The following UNC79 variants were observed in gnomAD, a reference collection of about 807,000 sequenced individuals.
UNC79 encodes the protein unc-79 subunit of NALCN channel complex, also known as protein unc-79 homolog.
A neutral mutation model predicts 283.1 loss-of-function variants in UNC79; 37 were observed. The ratio of observed to expected loss-of-function variants is 0.13; its 90% CI spans 0.10 to 0.17. The LOEUF is 0.17. UNC79 is among the 10% of genes least tolerant of loss of function. The pLI is 1.00. For synonymous variants in UNC79, 1,107 were observed against 1,200.2 expected, an observed-to-expected ratio of 0.92 and a Z score of 1.61; for missense variants, 2,272 against 3,211.1, an observed-to-expected ratio of 0.71 and a Z score of 7.07.
intron 35 of UNC79, among the ~76,000 whole-genome samples, chr14:93,652,368 A>C (rs1269873063): frequency 6.6e-6 from 1 of 151,890 alleles, no homozygotes; most frequent in African/African-American, 2.4e-5. Flanking sequence ...TGATCCTCCC[A>C]CCTCAGCCTC....
chr14:93,587,030 G>A, intron 22 of UNC79, 122 bp downstream of exon 22: 2 of 1,166,502 alleles, frequency 1.7e-6, no homozygotes, highest in South Asian at 1.9e-5. Context: ...CAGCTCGATT[G>A]CCTATGATAA....
chr14:93,474,017 A>G lies in UNC79; in HGVS notation c.144-72A>G. Reference sequence around the variant, plus strand: ...TCTGGTGTTTTATTATTTGTTTTAGAGTGTCATTTCAATGTAATGTGCTGT... The same window carrying G: ...TCTGGTGTTTTATTATTTGTTTTAGGGTGTCATTTCAATGTAATGTGCTGT... On this transcript the variant is annotated intron_variant, in intron 2 of 48. Coordinates refer to ENST00000555664, the Ensembl canonical transcript of UNC79. This position sits in a 1 kb window ranked among gnomAD's most constrained non-coding sequence, Gnocchi z 4.1. The G allele has an allele frequency of 7.0e-7, 1 of 1,437,950 alleles. No individual in the cohort carries two copies. The allele number at this position is 1,437,950 out of a possible 1,614,324, so 89.1% of individuals were successfully genotyped here. A position where few individuals can be genotyped will look rare whatever the true frequency, so the allele number is the denominator to read the frequency against.
At chr14:93,699,128 G>A (rs1311927592) in intron 47 of UNC79, among the ~76,000 whole-genome samples, 1 of 152,096 alleles carries the variant, frequency 6.6e-6, no homozygotes, top group East Asian at 1.9e-4. Flanking sequence ...TTAAAAAAAT[G>A]CAATCTGACA....
chr14:93,524,735 A>G (rs1031945837), intron 8 of UNC79, among the ~76,000 whole-genome samples: 1 of 152,242 alleles, frequency 6.6e-6, no homozygotes, highest in Non-Finnish European at 1.5e-5. Flanking sequence ...AAAATTATTT[A>G]TGATATATTT....
chr14:93,395,030 A>G (rs1252665062), intron 1 of UNC79, among the ~76,000 whole-genome samples: 1 of 152,214 alleles, frequency 6.6e-6, no homozygotes, highest in African/African-American at 2.4e-5. Flanking sequence ...TAAATTATAT[A>G]GAAAAGAAAG....
At chr14:93,611,844 TA>T (rs533668224) in intron 26 of UNC79, among the ~76,000 whole-genome samples, 3,294 of 144,562 alleles carry the variant, frequency 0.023, 109 homozygotes, top group African/African-American at 0.077. Flanking sequence ...TGTTTCTTAT[TA>T]AAAAAAAAAA....
rs527284818 is a variant in UNC79 at position 93,500,207 on chromosome 14, C to T, written c.898+2921C>T. Among the ~76,000 whole-genome samples, 4 of 152,338 alleles carry T rather than the reference C, an allele frequency of 2.6e-5. No individual in the cohort carries two copies. The East Asian group carries it at 7.7e-4, about 29-fold the overall frequency. On this transcript the variant is annotated intron_variant, in intron 7 of 48. Coordinates refer to ENST00000555664, the Ensembl canonical transcript of UNC79. ...CCGAGAAAGGTTCAGTCAAACCTGT[C>T]TTCACTGAAATAGCTCAGCCTATGC... is the stretch of plus-strand genomic sequence containing the variant.
intron 40 of UNC79, among the ~76,000 whole-genome samples, chr14:93,663,631 G>A (rs573890639): frequency 2.6e-5 from 4 of 152,184 alleles, no homozygotes; most frequent in Non-Finnish European, 1.5e-5. Context: ...CATGTTAAAT[G>A]TTCCATGGTA....
intron 1 of UNC79, among the ~76,000 whole-genome samples, chr14:93,388,268 C>T (rs914989274): frequency 6.6e-6 from 1 of 152,134 alleles, no homozygotes; most frequent in Admixed American, 6.5e-5. Flanking sequence ...CATACCACCA[C>T]ACCCGACTAT....
intron 1 of UNC79, among the ~76,000 whole-genome samples, chr14:93,454,443 A>ACG (rs2056739536): frequency 1.2e-5 from 1 of 84,964 alleles, no homozygotes; most frequent in Non-Finnish European, 2.9e-5. Context: ...GTGTATGTGT[A>ACG]TACATAATTA....
intron 7 of UNC79, among the ~76,000 whole-genome samples, chr14:93,506,439 C>T (rs926279981): frequency 2.4e-4 from 37 of 151,878 alleles, no homozygotes; most frequent in African/African-American, 8.9e-4. Flanking sequence ...GCCAGGCTAG[C>T]CTTGATTGGC....
At chr14:93,592,019 T>C (rs926870268) in intron 22 of UNC79, among the ~76,000 whole-genome samples, 1 of 152,162 alleles carries the variant, frequency 6.6e-6, no homozygotes, top group Non-Finnish European at 1.5e-5. Flanking sequence ...CTCTCCACTG[T>C]GAGTGGCGCC....
chr14:93,366,535 A>G (rs2054337508), intron 1 of UNC79, among the ~76,000 whole-genome samples: 1 of 151,694 alleles, frequency 6.6e-6, no homozygotes, highest in Non-Finnish European at 1.5e-5. Context: ...CCATTAGTGT[A>G]AGCAAATACT....
At chr14:93,413,066 G>A (rs978387478) in intron 1 of UNC79, among the ~76,000 whole-genome samples, 2 of 151,932 alleles carry the variant, frequency 1.3e-5, no homozygotes, top group Non-Finnish European at 2.9e-5. Flanking sequence ...AAGTTTTACG[G>A]TACATGTGCA....
At position 93,603,418 on chromosome 14, in the gene UNC79, C is replaced by T. The variant is rs1253600542; in HGVS notation, c.3754C>T (p.Arg1252Ter). 6 of 1,613,256 alleles carry T rather than the reference C, an allele frequency of 3.7e-6. No homozygotes were observed. Among genetic ancestry groups the T allele is most frequent in the East Asian group, 4.5e-5 (2 of 44,854 alleles). Residue 1252 changes from arginine (R) to a stop codon, truncating the protein, a stop_gained and splice_region_variant, in exon 26 of 49, where the codon CGA becomes TGA. Coordinates refer to ENST00000555664, the Ensembl canonical transcript of UNC79. LOFTEE classifies it high-confidence loss of function. ...CCCTGAGACCCTGACCTCCAAAATT[C>T]GTTGAGTATCTTCTTTCATCCTTCC...
chr14:93,441,597 A>T (rs1268902251), intron 1 of UNC79, among the ~76,000 whole-genome samples: 2 of 151,846 alleles, frequency 1.3e-5, no homozygotes, highest in Non-Finnish European at 1.5e-5. Context: ...TTGTTTTTGG[A>T]CTAACTAGTT....
chr14:93,694,264 C>A (rs368476021), intron 46 of UNC79, 71 bp from the exon 50 acceptor site: 63 of 1,431,558 alleles, frequency 4.4e-5, no homozygotes, highest in East Asian at 1.6e-4. Context: ...CGGTCTTCTG[C>A]GGCTGCAAAC....
chr14:93,533,713 C>G (rs904997585), intron 11 of UNC79, among the ~76,000 whole-genome samples: 1 of 152,122 alleles, frequency 6.6e-6, no homozygotes, highest in Non-Finnish European at 1.5e-5. Context: ...TTCAACAGGT[C>G]AAAGCAAGTT....
Position 93,591,120 on chromosome 14 carries a change from A to T in UNC79, c.3033-2560A>T, listed in dbSNP as rs146070824. Among the ~76,000 whole-genome samples the T allele has an allele frequency of 3.3e-5, 5 of 152,300 alleles. No individual in the cohort carries two copies. In the East Asian group the frequency reaches 9.6e-4, roughly 29 times the overall value. ...GTTTGTCTGACTTCCACTTATTTAG[A>T]TTAAGCATATGGCATTTAAAAAATC... On this transcript the variant is annotated intron_variant, in intron 22 of 48. Coordinates refer to ENST00000555664, the Ensembl canonical transcript of UNC79.
Sources: gnomAD v4.1 joint callset for allele counts (sites outside exome capture counted in the v4.1 genomes callset) on GRCh38, gnomAD v4.1.1 for gene constraint, Gnocchi (gnomAD v3.1) non-coding constraint, MANE v1.5 for transcripts, NCBI Gene and HGNC (gene_info 2026-07-23, HGNC 2026-07-21) for gene names.